The following FAM163B variants were observed in gnomAD, a reference collection of about 807,000 sequenced individuals.
FAM163B encodes the protein protein FAM163B.
In FAM163B, 4 loss-of-function variants were observed where a neutral mutation model predicts 7.6. The observed-to-expected ratio is 0.52, with a 90% confidence interval of 0.26 to 1.20. The LOEUF (loss-of-function observed/expected upper bound fraction) is 1.20, where lower values mean the gene tolerates loss of function less well. Among genes scored for constraint, FAM163B ranks in the 50% most tolerant of loss-of-function variants. The probability of loss-of-function intolerance (pLI) is 0.14; values close to 1 mark genes in which losing one functional copy is unlikely to be tolerated. For missense variants in FAM163B, 250 were observed against 243.0 expected (o/e 1.03, Z -0.19); for synonymous variants, 120 against 111.6 (o/e 1.07, Z -0.47).
intron 1 of FAM163B, among the ~76,000 whole-genome samples, chr9:133,594,490 C>A (rs570787791): frequency 1.3e-4 from 20 of 152,076 alleles, no homozygotes; most frequent in African/African-American, 4.6e-4. Flanking sequence ...TGTCTCCATG[C>A]TCCTGGAGCA....
chr9:133,591,873 C>T (rs923801584), intron 1 of FAM163B, among the ~76,000 whole-genome samples: 2 of 152,108 alleles, frequency 1.3e-5, no homozygotes, highest in African/African-American at 2.4e-5. Context: ...TGGGGATGCA[C>T]CTGCTGGCCT....
chr9:133,587,922 G>A (rs571976663), intron 1 of FAM163B, among the ~76,000 whole-genome samples: 11,947 of 151,304 alleles, frequency 0.079, 517 homozygotes, highest in African/African-American at 0.089. Context: ...AGATAGGGAA[G>A]GGACAGAGAA....
At chr9:133,604,902 G>A (rs200518029) in intron 1 of FAM163B, among the ~76,000 whole-genome samples, 6 of 152,200 alleles carry the variant, frequency 3.9e-5, no homozygotes, top group Non-Finnish European at 7.3e-5. Context: ...CCAGAGACCC[G>A]GGACCTGCCA....
At position 133,578,589 on chromosome 9, in the gene FAM163B, TTGC is replaced by T. The variant is rs1275575499; in HGVS notation, c.*430_*432del. On this transcript the variant is annotated 3_prime_UTR_variant, in exon 3 of 3. Transcript: ENST00000673969. ...TGGTCTGCAATTGCCAGGGAGGGCCTTGCTGCAGGGCCCTGGGCCTCACTGAGG... is the reference window on the plus strand; with the variant it reads ...TGGTCTGCAATTGCCAGGGAGGGCCTTGCAGGGCCCTGGGCCTCACTGAGG... 5.8e-6 allele frequency: 1 copy of T among 171,576 alleles called. No individual in the cohort carries two copies. Among genetic ancestry groups the T allele is most frequent in the East Asian group, 1.6e-4 (1 of 6,310 alleles). 10.6% of individuals were successfully genotyped at this position (171,576 alleles called of 1,614,324 possible).
chr9:133,580,225 C>T lies in FAM163B; in HGVS notation c.-2G>A, dbSNP rs1831335774. 6 of 1,612,982 alleles carry T rather than the reference C, an allele frequency of 3.7e-6. No homozygotes were observed. The highest frequency in any genetic ancestry group is 2.2e-5 in the East Asian group (1 of 44,890). ...GATGACCACGGTCCCGGCTGTCATC[C>T]GCCCCCTTCTCCATCAACAGCCTGC... On this transcript the variant is annotated 5_prime_UTR_variant, in exon 2 of 3. Transcript: ENST00000673969.
At chr9:133,579,489 G>A in intron 2 of FAM163B, 60 bp from the exon 3 acceptor site, 1 of 1,497,766 alleles carries the variant, frequency 6.7e-7, no homozygotes. Flanking sequence ...ACCGACATGT[G>A]GGAAAGGCTA....
chr9:133,583,102 C>A (rs1337588383), intron 1 of FAM163B, among the ~76,000 whole-genome samples: 2 of 152,190 alleles, frequency 1.3e-5, no homozygotes, highest in African/African-American at 4.8e-5. Context: ...ACTCACACAG[C>A]TTGGGAGGGG....
chr9:133,608,706 A>G (rs571491131), intron 1 of FAM163B, among the ~76,000 whole-genome samples: 72 of 152,350 alleles, frequency 4.7e-4, no homozygotes, highest in African/African-American at 1.7e-3. Flanking sequence ...AGCAAATGAA[A>G]AAGTCTTAGC....
At position 133,600,142 on chromosome 9, in the gene FAM163B, G is replaced by C. The variant is rs1178788472; in HGVS notation, c.-24+8935C>G. Among the ~76,000 whole-genome samples the C allele has an allele frequency of 6.6e-6, 1 of 151,280 alleles. No individual in the cohort carries two copies. The highest frequency in any genetic ancestry group is 2.4e-5 in the African/African-American group (1 of 41,054). ...TGTGTATGTGTGTCTGTGTGCGTGT[G>C]TGAATGTATGTGTGCATGAGTGTGA... On this transcript the variant is annotated intron_variant, in intron 1 of 2. Transcript: ENST00000673969. This position sits in a 1 kb window ranked among gnomAD's most constrained non-coding sequence, Gnocchi z 4.9.
intron 1 of FAM163B, among the ~76,000 whole-genome samples, chr9:133,605,289 C>T (rs1831776277): frequency 6.6e-6 from 1 of 152,162 alleles, no homozygotes; most frequent in Non-Finnish European, 1.5e-5. Flanking sequence ...GGCTGAGTAA[C>T]CTCACGAGGG....
chr9:133,604,029 A>G (rs1337966587), intron 1 of FAM163B, among the ~76,000 whole-genome samples: 1 of 152,094 alleles, frequency 6.6e-6, no homozygotes, highest in African/African-American at 2.4e-5. Context: ...TTTATTAGAG[A>G]TGGGGTTTCA....
Position 133,579,026 on chromosome 9 carries a change from A to G in FAM163B, c.497T>C (p.Val166Ala). ...GATCCCGGGGGCGGGCCCAGGTCAC[A>G]CGTCGGTGCTGATGCTGCGGCTCCT... ...FARSRSISTD[V>A] The change falls in exon 3 of 3, where the codon GTG (valine) becomes GCG (alanine). Residue 166 changes from valine to alanine, a missense_variant. Transcript: ENST00000673969. 2.6e-6 allele frequency: 4 copies of G among 1,527,598 alleles called. No homozygotes were observed. Among genetic ancestry groups the G allele is most frequent in the Non-Finnish European group, 3.5e-6 (4 of 1,137,814 alleles). 94.6% of individuals were successfully genotyped at this position (1,527,598 alleles called of 1,614,324 possible).
intron 1 of FAM163B, among the ~76,000 whole-genome samples, chr9:133,599,644 ATG>A (rs1417579264): frequency 9.3e-5 from 14 of 149,746 alleles, no homozygotes; most frequent in African/African-American, 3.0e-4. Flanking sequence ...GTAAGTGTGC[ATG>A]TGTTAGTTGT....
At chr9:133,595,186 C>A (rs1297287764) in intron 1 of FAM163B, among the ~76,000 whole-genome samples, 1 of 152,208 alleles carries the variant, frequency 6.6e-6, no homozygotes, top group Admixed American at 6.5e-5. Context: ...CCCTCTGTCA[C>A]CCAGGCTGGA....
chr9:133,600,020 G>A lies in FAM163B; in HGVS notation c.-24+9057C>T, dbSNP rs1458580905. On this transcript the variant is annotated intron_variant, in intron 1 of 2. Coordinates refer to ENST00000673969, the MANE Select transcript of FAM163B (RefSeq NM_001080515.3). This position sits in a 1 kb window ranked among gnomAD's most constrained non-coding sequence, Gnocchi z 4.9. ...GTGTGTGTGTGGCCTGTGTGCATTT[G>A]TGTGCATGTATGTGTGGTCTGTGTG... Among the ~76,000 whole-genome samples, 3 of 149,702 alleles carry A rather than the reference G, an allele frequency of 2.0e-5. No homozygotes were observed. The highest frequency in any genetic ancestry group is 4.4e-5 in the Non-Finnish European group (3 of 67,458).
chr9:133,582,166 C>T (rs1386409438), intron 1 of FAM163B, among the ~76,000 whole-genome samples: 1 of 150,174 alleles, frequency 6.7e-6, no homozygotes, highest in African/African-American at 2.5e-5. Context: ...GGACGGAGAA[C>T]AGGCCAGCCC....
intron 1 of FAM163B, among the ~76,000 whole-genome samples, chr9:133,580,518 C>T (rs1052053723): frequency 2.6e-4 from 39 of 152,212 alleles, no homozygotes; most frequent in Non-Finnish European, 4.4e-4. Context: ...GACACTTTTA[C>T]AAGCGTGTCT....
chr9:133,598,519 G>A (rs914988053), intron 1 of FAM163B, among the ~76,000 whole-genome samples: 1 of 151,976 alleles, frequency 6.6e-6, no homozygotes, highest in Non-Finnish European at 1.5e-5. Flanking sequence ...GCTGGGGTGA[G>A]GAGGTGGGGC....
intron 1 of FAM163B, among the ~76,000 whole-genome samples, chr9:133,599,935 G>C (rs1219001669): frequency 2.0e-5 from 3 of 148,450 alleles, no homozygotes; most frequent in Admixed American, 1.3e-4. Flanking sequence ...TGTGAGTGTG[G>C]TCTATGTGCA....
Sources: allele counts gnomAD v4.1 joint callset (sites outside exome capture counted in the v4.1 genomes callset), GRCh38; gene constraint gnomAD v4.1.1; non-coding constraint Gnocchi (gnomAD v3.1); transcripts MANE v1.5; gene names NCBI Gene and HGNC (gene_info 2026-07-23, HGNC 2026-07-21).